Variants in GOLGB1 observed in about 807,000 individuals in gnomAD.
The protein encoded by GOLGB1 is golgin B1, also known as golgin subfamily B member 1.
In GOLGB1, 174 loss-of-function variants were observed where a neutral mutation model predicts 336.9. The observed-to-expected ratio is 0.52, with a 90% CI of 0.46 to 0.59. The LOEUF (loss-of-function observed/expected upper bound fraction) is 0.59. Ranked by LOEUF, GOLGB1 falls within the 20% of genes least tolerant of loss-of-function variation. GOLGB1 has a pLI of 0.00. For synonymous variants in GOLGB1, 1,208 were observed against 1,289.2 expected, an observed-to-expected ratio of 0.94 and a Z score of 1.35; for missense variants, 3,331 against 3,645.3, an observed-to-expected ratio of 0.91 and a Z score of 2.22.
Position 121,691,966 on chromosome 3 carries a change from G to C in GOLGB1, c.7398C>G (p.Ser2466=). ...GGAGAGAAGACATGGATTTAACAAA[G>C]GAATCCAACTGTGCCTTTTGCTGAA... ...ENIQQKAQLD[S]FVKSMSSLQN... is the part of the protein sequence containing the mutation. The change falls in exon 14 of 22, where the codon TCC becomes TCG. Residue 2466 remains serine (S), a synonymous_variant. Transcript: ENST00000614479. 2 of 1,614,026 alleles carry C rather than the reference G, an allele frequency of 1.2e-6. No homozygotes were observed. Among genetic ancestry groups the C allele is most frequent in the Non-Finnish European group, 1.7e-6 (2 of 1,179,900 alleles).
chr3:121,712,666 A>C (rs181679951), intron 10 of GOLGB1, among the ~76,000 whole-genome samples: 3 of 152,358 alleles, frequency 2.0e-5, no homozygotes, highest in Admixed American at 1.3e-4. Context: ...ACACTTCACC[A>C]ACAGAAGGTG....
At chr3:121,678,964 G>C (rs1377391484) in intron 15 of GOLGB1, among the ~76,000 whole-genome samples, 1 of 151,952 alleles carries the variant, frequency 6.6e-6, no homozygotes, top group Non-Finnish European at 1.5e-5. Flanking sequence ...GTTTAATCTT[G>C]GGATTAAATT....
In GOLGB1 at chr3:121,698,596, C is replaced by G; in HGVS notation, c.1927G>C (p.Glu643Gln). The change falls in exon 13 of 22, where the codon GAA becomes CAA. Residue 643 changes from glutamate (E) to glutamine (Q), a missense_variant. Glu to Gln is a conservative substitution (Grantham distance 29, BLOSUM62 2). Transcript: ENST00000614479. Reference protein sequence around the residue: ...EESSLPAVEKEQASTEHQSRT... With the variant: ...EESSLPAVEKQQASTEHQSRT... ...CTTTGATGTTCAGTGCTCGCCTGTT[C>G]TTTTTCAACTGCTGGAAGACTGCTC... 6.2e-7 allele frequency: 1 copy of G among 1,613,844 alleles called. No individual in the cohort carries two copies. The highest frequency in any genetic ancestry group is 8.5e-7 in the Non-Finnish European group (1 of 1,179,840).
rs1372722797 is a variant in GOLGB1, at chr3:121,664,633, AG to A, written c.9661-20del. 3.1e-6 allele frequency: 5 copies of A among 1,612,898 alleles called. No homozygotes were observed. The African/African-American group carries it at 6.7e-5, about 22-fold the overall frequency. On this transcript the variant is annotated intron_variant, in intron 21 of 21. Coordinates refer to ENST00000614479, the MANE Select transcript of GOLGB1 (RefSeq NM_001366282.2). ...TCCGGGTCTGAAAGAAAAATGTGAA[AG>A]TCAGAGAGTTTTCACCCTATAGGGC...
In GOLGB1 at chr3:121,729,943, TGCATAA is replaced by T; in HGVS notation, c.165_170del (p.Tyr56_Ala57del). On this transcript the variant is annotated inframe_deletion, in exon 3 of 22. Coordinates refer to ENST00000614479, the MANE Select transcript of GOLGB1 (RefSeq NM_001366282.2). ...CTTTTAGCTCCACCACCAATTGCTC[TGCATAA>T]GCCAGGCGCTCCTGAACATCTTCTT... The T allele has an allele frequency of 6.2e-7, 1 of 1,609,978 alleles. No homozygotes were observed. The highest frequency in any genetic ancestry group is 8.5e-7 in the Non-Finnish European group (1 of 1,176,224).
intron 15 of GOLGB1, among the ~76,000 whole-genome samples, chr3:121,680,785 C>T (rs186720346): frequency 5.9e-5 from 9 of 152,168 alleles, no homozygotes; most frequent in Non-Finnish European, 1.0e-4. Flanking sequence ...ATATAAAGAA[C>T]GCTTAAAACT....
In GOLGB1 at chr3:121,685,318, C is replaced by T. The variant is rs1016698197; in HGVS notation, c.8695-3453G>A. On this transcript the variant is annotated intron_variant, in intron 14 of 21. Coordinates refer to ENST00000614479, the MANE Select transcript of GOLGB1 (RefSeq NM_001366282.2). ...TTGGGAGGCTGAGGCAGGTGGATCACGAGGTCAAAAGATTGAGACCACCCT... is the reference window on the plus strand; with the variant it reads ...TTGGGAGGCTGAGGCAGGTGGATCATGAGGTCAAAAGATTGAGACCACCCT... Among the ~76,000 whole-genome samples the T allele has an allele frequency of 8.5e-5, 13 of 152,166 alleles. No individual in the cohort carries two copies. In the South Asian group the frequency reaches 1.9e-3, roughly 22 times the overall value.
intron 1 of GOLGB1, among the ~76,000 whole-genome samples, chr3:121,744,095 C>T (rs1396288276): frequency 3.3e-5 from 5 of 151,982 alleles, no homozygotes; most frequent in Non-Finnish European, 5.9e-5. Context: ...AATATCATAG[C>T]AAATGAGGAA....
At chr3:121,677,476 G>C in intron 15 of GOLGB1, 26 bp from the exon 16 acceptor site, 1 of 1,546,902 alleles carries the variant, frequency 6.5e-7, no homozygotes, top group South Asian at 1.1e-5. Flanking sequence ...CACAATCACA[G>C]GTAAAAATAT....
intron 10 of GOLGB1, among the ~76,000 whole-genome samples, chr3:121,702,966 G>C (rs1018456121): frequency 6.6e-6 from 1 of 152,156 alleles, no homozygotes; most frequent in Non-Finnish European, 1.5e-5. Context: ...TCCTGAAGGA[G>C]AATGAACATG....
chr3:121,694,617 C>T lies in GOLGB1; in HGVS notation c.5906G>A (p.Cys1969Tyr). The stretch of plus-strand genomic sequence containing the variant: ...CTTTTCTTCTTCCAATTCACTCACA[C>T]ACTTTTTAAGGTTCTTCATTTCAGA... ...LESEMKNLKK[C>Y]VSELEEEKQQ... Residue 1969 changes from cysteine to tyrosine, a missense_variant, in exon 13 of 22, where the codon TGT becomes TAT. Cys to Tyr is a radical substitution (Grantham distance 194). Coordinates refer to ENST00000614479, the MANE Select transcript of GOLGB1 (RefSeq NM_001366282.2). The T allele has an allele frequency of 1.2e-6, 2 of 1,612,166 alleles. No individual in the cohort carries two copies. The highest frequency in any genetic ancestry group is 1.3e-5 in the African/African-American group (1 of 75,030).
chr3:121,708,655 C>A (rs1011867863), intron 10 of GOLGB1, among the ~76,000 whole-genome samples: 7 of 152,078 alleles, frequency 4.6e-5, no homozygotes, highest in African/African-American at 1.7e-4. Context: ...AACAAACACA[C>A]AAAACCCTCT....
intron 6 of GOLGB1, among the ~76,000 whole-genome samples, 159 bp from the exon 7 acceptor site, chr3:121,719,927 G>A (rs1208539748): frequency 1.3e-5 from 2 of 152,178 alleles, no homozygotes; most frequent in African/African-American, 4.8e-5. Context: ...AAGAGAGATA[G>A]GCTGGACAGT....
At position 121,718,998 on chromosome 3, in the gene GOLGB1, AC is replaced by A. The variant is rs549994372; in HGVS notation, c.772-498del. ...ACTTAATAATATGTTGTATTCTAAA[AC>A]TTTATTTAGTGGTGCATTCTGAAAG... On this transcript the variant is annotated intron_variant, in intron 7 of 21. Transcript: ENST00000614479. 2.3e-3 allele frequency among the ~76,000 whole-genome samples: 343 copies of A among 152,290 alleles called. 3 individuals are homozygous for A. Among genetic ancestry groups the A allele is most frequent in the African/African-American group, 8.0e-3 (332 of 41,562 alleles).
chr3:121,671,683 C>T (rs1560168845), intron 17 of GOLGB1, among the ~76,000 whole-genome samples: 2 of 152,092 alleles, frequency 1.3e-5, no homozygotes. Context: ...TTGAAATATA[C>T]AATAGATTGT....
intron 14 of GOLGB1, among the ~76,000 whole-genome samples, chr3:121,689,046 C>G (rs1306008163): frequency 6.7e-6 from 1 of 150,142 alleles, no homozygotes; most frequent in African/African-American, 2.5e-5. Flanking sequence ...AGCCAGCCGC[C>G]CCGTCCGGGA....
chr3:121,664,747 T>C, intron 21 of GOLGB1, 133 bp from the exon 22 acceptor site: 2 of 934,518 alleles, frequency 2.1e-6, no homozygotes, highest in Admixed American at 2.2e-5. Flanking sequence ...GAAAGTTGCC[T>C]CAGAGTCAAC....
intron 15 of GOLGB1, among the ~76,000 whole-genome samples, chr3:121,679,893 C>T (rs1370754381): frequency 3.9e-5 from 6 of 152,268 alleles, no homozygotes; most frequent in Non-Finnish European, 8.8e-5. Context: ...CTTCCTTGTC[C>T]CTGCAGAGGT....
chr3:121,712,994 T>A (rs2108065401), intron 10 of GOLGB1, among the ~76,000 whole-genome samples: 1 of 152,182 alleles, frequency 6.6e-6, no homozygotes, highest in Admixed American at 6.5e-5. Context: ...AAACCCTGTC[T>A]CTACTAAAAA....
Sources: gnomAD v4.1 joint callset for allele counts (sites outside exome capture counted in the v4.1 genomes callset) on GRCh38, gnomAD v4.1.1 for gene constraint, MANE v1.5 for transcripts, NCBI Gene and HGNC (gene_info 2026-07-23, HGNC 2026-07-21) for gene names.